Variants in RAB38 observed in about 807,000 individuals in gnomAD.
RAB38 encodes the protein ras-related protein Rab-38.
A neutral mutation model predicts 18.4 loss-of-function variants in RAB38; 15 were observed. The ratio of observed to expected loss-of-function variants is 0.82; its 90% CI spans 0.55 to 1.26. The LOEUF is 1.26. Among genes scored for constraint, RAB38 ranks in the 50% most tolerant of loss-of-function variants. RAB38 has a pLI of 0.00. For synonymous variants in RAB38, 101 were observed against 104.4 expected (o/e 0.97, Z 0.20); for missense variants, 294 against 267.4 (o/e 1.10, Z -0.69).
the RAB38 span, among the ~76,000 whole-genome samples, chr11:87,858,339 C>T: frequency 3.9e-5 from 6 of 152,034 alleles, no homozygotes; most frequent in African/African-American, 4.8e-5. Flanking sequence ...TTCTTTGGGG[C>T]TCTCTTTAAT....
At chr11:87,915,938 TGTCTGCTCCATCAG>T in the RAB38 span, among the ~76,000 whole-genome samples, 2 of 152,168 alleles carry the variant, frequency 1.3e-5, no homozygotes, top group Non-Finnish European at 2.9e-5. Context: ...TAAGATTTAA[TGTCTGCTCCATCAG>T]GTTTTTTATT....
chr11:87,804,958 GTC>G, the RAB38 span, among the ~76,000 whole-genome samples: 1 of 152,106 alleles, frequency 6.6e-6, no homozygotes, highest in African/African-American at 2.4e-5. Flanking sequence ...AAAGTCGTTT[GTC>G]TCTCAATATC....
chr11:88,111,452 G>C (rs1942472713), downstream of RAB38, among the ~76,000 whole-genome samples: 1 of 152,166 alleles, frequency 6.6e-6, no homozygotes, highest in Admixed American at 6.5e-5. Context: ...TGAAGCTGTA[G>C]ATTTATTGGA....
At chr11:88,110,767 T>A (rs1942463263), downstream of RAB38, among the ~76,000 whole-genome samples, 1 of 146,944 alleles carries the variant, frequency 6.8e-6, no homozygotes, top group African/African-American at 2.5e-5. Flanking sequence ...CAGTGAGCTA[T>A]CGCACCACTG....
the RAB38 span, among the ~76,000 whole-genome samples, chr11:87,943,433 G>A: frequency 1.3e-5 from 2 of 152,088 alleles, no homozygotes; most frequent in South Asian, 4.1e-4. Context: ...TCATCCTCAG[G>A]TTACCACCCT....
chr11:88,035,061 C>T, the RAB38 span, among the ~76,000 whole-genome samples: 2 of 152,112 alleles, frequency 1.3e-5, no homozygotes, highest in African/African-American at 4.8e-5. Context: ...TTAATTTTTA[C>T]TTCTCTGCTG....
the RAB38 span, among the ~76,000 whole-genome samples, chr11:87,828,230 CAAAT>C: frequency 6.6e-6 from 1 of 152,186 alleles, no homozygotes; most frequent in Admixed American, 6.5e-5. Flanking sequence ...ACCAAATCCT[CAAAT>C]AATTTTTAAA....
chr11:87,887,925 T>C, the RAB38 span, among the ~76,000 whole-genome samples: 1 of 102,214 alleles, frequency 9.8e-6, no homozygotes, highest in Non-Finnish European at 2.7e-5. Context: ...AATCTTCTAG[T>C]TGGTGCATTT....
chr11:87,958,267 G>C, the RAB38 span, among the ~76,000 whole-genome samples: 1 of 152,144 alleles, frequency 6.6e-6, no homozygotes, highest in Admixed American at 6.5e-5. Context: ...GCTCGGCTAA[G>C]CTACAATGTT....
At chr11:87,828,095 A>T in the RAB38 span, among the ~76,000 whole-genome samples, 2 of 152,188 alleles carry the variant, frequency 1.3e-5, no homozygotes, top group African/African-American at 4.8e-5. Context: ...GGTATATGGA[A>T]ACTCTGTGCT....
At chr11:87,840,799 G>A in the RAB38 span, among the ~76,000 whole-genome samples, 10 of 152,058 alleles carry the variant, frequency 6.6e-5, no homozygotes, top group Non-Finnish European at 8.8e-5. Flanking sequence ...CCTCTATATA[G>A]GGTGGTTCAA....
At chr11:88,063,184 C>A in the RAB38 span, among the ~76,000 whole-genome samples, 2 of 152,062 alleles carry the variant, frequency 1.3e-5, no homozygotes, top group Non-Finnish European at 2.9e-5. Context: ...TATAATATAA[C>A]TTTATGATTA....
chr11:87,956,763 G>C, the RAB38 span, among the ~76,000 whole-genome samples: 1 of 152,004 alleles, frequency 6.6e-6, no homozygotes, highest in Non-Finnish European at 1.5e-5. Flanking sequence ...CTGAAAGTAA[G>C]TCATAAGACC....
At chr11:87,978,199 G>GTATATAT in the RAB38 span, among the ~76,000 whole-genome samples, 16 of 2,764 alleles carry the variant, frequency 5.8e-3, 1 homozygote, top group East Asian at 0.036. Context: ...AAATATATAG[G>GTATATAT]TGTNNNNNNN....
chr11:88,041,088 T>C, the RAB38 span, among the ~76,000 whole-genome samples: 1 of 152,246 alleles, frequency 6.6e-6, no homozygotes, highest in African/African-American at 2.4e-5. Context: ...GTATGTATCC[T>C]AAAACATTGC....
chr11:87,859,224 A>G, the RAB38 span, among the ~76,000 whole-genome samples: 1 of 151,966 alleles, frequency 6.6e-6, no homozygotes, highest in Non-Finnish European at 1.5e-5. Flanking sequence ...CATTGAGAAG[A>G]CAAAAAATTA....
chr11:88,107,988 TTTG>T, the RAB38 span, among the ~76,000 whole-genome samples: 317 of 152,286 alleles, frequency 2.1e-3, 1 homozygote, highest in African/African-American at 7.2e-3. Context: ...GAGAGACTTG[TTTG>T]TTAAGATTTC....
chr11:88,127,559 T>C (rs1942714319), intron 2 of RAB38, among the ~76,000 whole-genome samples: 1 of 152,224 alleles, frequency 6.6e-6, no homozygotes, highest in Non-Finnish European at 1.5e-5. Flanking sequence ...CAATTTTATA[T>C]TACCCTGTGT....
At chr11:88,053,142 T>C in the RAB38 span, among the ~76,000 whole-genome samples, 1 of 110,220 alleles carries the variant, frequency 9.1e-6, no homozygotes, top group Non-Finnish European at 1.8e-5. Context: ...ATATACAATA[T>C]ATATGGAATA....
Sources: gnomAD v4.1 joint callset for allele counts (sites outside exome capture counted in the v4.1 genomes callset) on GRCh38, gnomAD v4.1.1 for gene constraint, MANE v1.5 for transcripts, NCBI Gene and HGNC (gene_info 2026-07-23, HGNC 2026-07-21) for gene names.